IL1RAPL1: variants seen among roughly 807,000 people sequenced by gnomAD.
IL1RAPL1 encodes interleukin 1 receptor accessory protein like 1, also known as interleukin-1 receptor accessory protein-like 1.
A neutral mutation model predicts 48.4 loss-of-function variants in IL1RAPL1; 3 were observed. The observed-to-expected ratio is 0.06, with a 90% CI of 0.03 to 0.16. IL1RAPL1 has a LOEUF of 0.16. Ranked by LOEUF, IL1RAPL1 falls within the 10% of genes least tolerant of loss-of-function variation. The pLI is 1.00. For missense variants in IL1RAPL1, 349 were observed against 530.6 expected (o/e 0.66, Z 3.36); for synonymous variants, 185 against 187.7 (o/e 0.99, Z 0.12).
intron 6 of IL1RAPL1, among the ~76,000 whole-genome samples, chrX:29,689,495 A>C (rs1246561185): frequency 8.9e-6 from 1 of 112,535 alleles, no homozygotes; most frequent in Non-Finnish European, 1.9e-5. Flanking sequence ...GTGGTAGGTA[A>C]ATACCAAAAT....
At chrX:29,171,014 T>C (rs1372863426) in intron 2 of IL1RAPL1, among the ~76,000 whole-genome samples, 4 of 111,403 alleles carry the variant, frequency 3.6e-5, no homozygotes, top group Non-Finnish European at 7.5e-5. Context: ...GTTTTGTTTT[T>C]GAGATGGAGT....
intron 2 of IL1RAPL1, among the ~76,000 whole-genome samples, chrX:28,794,606 G>A (rs2147268121): frequency 9.0e-6 from 1 of 111,663 alleles, no homozygotes; most frequent in East Asian, 2.8e-4. Context: ...TTACCAAAAG[G>A]AGTTGATCTT....
intron 1 of IL1RAPL1, among the ~76,000 whole-genome samples, chrX:28,663,071 A>G (rs181534598): frequency 1.8e-5 from 2 of 112,279 alleles, no homozygotes; most frequent in Admixed American, 1.9e-4. Context: ...GAAAGAACGA[A>G]GAAAAAAGTA....
intron 2 of IL1RAPL1, among the ~76,000 whole-genome samples, chrX:29,089,348 A>G (rs956362570): frequency 5.4e-5 from 6 of 111,075 alleles, no homozygotes; most frequent in African/African-American, 2.0e-4. Flanking sequence ...GCTAATTAAC[A>G]TACTCATCAC....
chrX:29,757,838 G>T (rs1366203160), intron 6 of IL1RAPL1, among the ~76,000 whole-genome samples: 1 of 111,860 alleles, frequency 8.9e-6, no homozygotes, highest in Non-Finnish European at 1.9e-5. Context: ...GGCTTCTAAA[G>T]AAATGTTTCT....
intron 6 of IL1RAPL1, among the ~76,000 whole-genome samples, chrX:29,817,649 C>T (rs1220777598): frequency 8.9e-6 from 1 of 111,791 alleles, no homozygotes; most frequent in Non-Finnish European, 1.9e-5. Context: ...AGGTCTCATA[C>T]AATTCATTAA....
intron 2 of IL1RAPL1, among the ~76,000 whole-genome samples, chrX:28,910,147 C>T (rs779936181): frequency 6.3e-5 from 7 of 111,299 alleles, no homozygotes; most frequent in Non-Finnish European, 1.3e-4. Context: ...TGAAAAAAGA[C>T]AACTCAGAAT....
At chrX:28,663,187 C>T (rs903047199) in intron 1 of IL1RAPL1, among the ~76,000 whole-genome samples, 1 of 111,883 alleles carries the variant, frequency 8.9e-6, no homozygotes, top group Non-Finnish European at 1.9e-5. Context: ...GTTCATAGTC[C>T]TCCCTAAAGG....
At chrX:29,146,531 T>A (rs73210097) in intron 2 of IL1RAPL1, among the ~76,000 whole-genome samples, 5,185 of 111,656 alleles carry the variant, frequency 0.046, 114 homozygotes, top group African/African-American at 0.087. Flanking sequence ...GAATTTTTGT[T>A]TTTTCAGGAC....
chrX:28,732,129 G>C (rs1935762722), intron 1 of IL1RAPL1, among the ~76,000 whole-genome samples: 1 of 112,054 alleles, frequency 8.9e-6, no homozygotes, highest in African/African-American at 3.2e-5. Flanking sequence ...GGGGAAGTAG[G>C]TCAAGAGGCC....
At chrX:29,322,253 TTCTCTC>T (rs748706158) in intron 3 of IL1RAPL1, among the ~76,000 whole-genome samples, 3 of 109,156 alleles carry the variant, frequency 2.7e-5, no homozygotes, top group African/African-American at 1.0e-4. Flanking sequence ...GTCTTTCTCT[TTCTCTC>T]TCTCTCTCTT....
intron 1 of IL1RAPL1, among the ~76,000 whole-genome samples, chrX:28,739,268 T>G (rs1935880750): frequency 9.0e-6 from 1 of 111,533 alleles, no homozygotes; most frequent in Admixed American, 9.6e-5. Context: ...GAGTCTATAT[T>G]TTCCATCATT....
chrX:29,834,046 T>C (rs1179916951), intron 6 of IL1RAPL1, among the ~76,000 whole-genome samples: 1 of 112,067 alleles, frequency 8.9e-6, no homozygotes, highest in Non-Finnish European at 1.9e-5. Flanking sequence ...TAATCTAATC[T>C]ATGTTTGCAG....
At chrX:29,474,769 C>A (rs1237981449) in intron 5 of IL1RAPL1, among the ~76,000 whole-genome samples, 1 of 111,514 alleles carries the variant, frequency 9.0e-6, no homozygotes, top group Non-Finnish European at 1.9e-5. Context: ...GACATCTGCC[C>A]CCATGATCCA....
At chrX:28,877,508 TAG>T (rs1452733279) in intron 2 of IL1RAPL1, among the ~76,000 whole-genome samples, 1 of 112,426 alleles carries the variant, frequency 8.9e-6, no homozygotes, top group Non-Finnish European at 1.9e-5. Context: ...TTGTAGTTAA[TAG>T]ATACAGATCC....
intron 2 of IL1RAPL1, among the ~76,000 whole-genome samples, chrX:29,217,733 C>T (rs1283181057): frequency 9.6e-6 from 1 of 103,899 alleles, no homozygotes; most frequent in East Asian, 3.2e-4. Context: ...CACAAATCAT[C>T]TATATTAAAA....
At chrX:29,492,347 G>T (rs964503011) in intron 5 of IL1RAPL1, among the ~76,000 whole-genome samples, 1 of 112,107 alleles carries the variant, frequency 8.9e-6, no homozygotes, top group Non-Finnish European at 1.9e-5. Flanking sequence ...ACAAACAGTG[G>T]CTTAAACTAC....
At chrX:29,307,552 T>C (rs1194319067) in intron 3 of IL1RAPL1, among the ~76,000 whole-genome samples, 1 of 112,218 alleles carries the variant, frequency 8.9e-6, no homozygotes, top group East Asian at 2.8e-4. Context: ...GATAGAACTA[T>C]ACATAGCATA....
intron 5 of IL1RAPL1, among the ~76,000 whole-genome samples, chrX:29,543,249 T>C (rs1602288307): frequency 9.1e-6 from 1 of 110,203 alleles, no homozygotes; most frequent in South Asian, 4.0e-4. Context: ...CTCTTCTCCA[T>C]TGCATTCTTA....
Sources: allele counts gnomAD v4.1 joint callset (sites outside exome capture counted in the v4.1 genomes callset), GRCh38; gene constraint gnomAD v4.1.1; transcripts MANE v1.5; gene names NCBI Gene and HGNC (gene_info 2026-07-23, HGNC 2026-07-21).